The following CUL4A variants were observed in gnomAD, a reference collection of about 807,000 sequenced individuals.
The protein encoded by CUL4A is cullin 4A.
CUL4A carries 16 observed loss-of-function variants against 95.5 expected under a neutral mutation model. The ratio of observed to expected loss-of-function variants is 0.17; its 90% CI spans 0.11 to 0.25. CUL4A has a LOEUF of 0.25. CUL4A is among the 10% of genes least tolerant of loss of function. The probability of loss-of-function intolerance (pLI) is 1.00; values close to 1 mark genes in which losing one functional copy is unlikely to be tolerated. For synonymous variants in CUL4A, 380 were observed against 353.1 expected (o/e 1.08, Z -0.85); for missense variants, 610 against 937.0 (o/e 0.65, Z 4.56).
chr13:113,229,987 T>C (rs9994), intron 5 of CUL4A: 70,026 of 305,082 alleles, frequency 0.23, 8,502 homozygotes, highest in South Asian at 0.43. Context: ...ACACCAGGGG[T>C]TCTGGGGCCT....
At position 113,209,792 on chromosome 13, in the gene CUL4A, G is replaced by A; in HGVS notation, c.148+17G>A. On this transcript the variant is annotated intron_variant, in intron 1 of 19. Transcript: ENST00000375440. ...ACTTCCGAGGTGGGTGCGGCGGCCG[G>A]GTCGAGGGCCAGGCGCCCCGGGCGG... 8.5e-7 allele frequency: 1 copy of A among 1,178,126 alleles called. No individual in the cohort carries two copies. Among genetic ancestry groups the A allele is most frequent in the African/African-American group, 1.6e-5 (1 of 62,690 alleles). 73.0% of individuals were successfully genotyped at this position (1,178,126 alleles called of 1,614,324 possible).
At chr13:113,208,558 G>A (rs754943305), upstream of CUL4A, 126 of 1,600,730 alleles carry the variant, frequency 7.9e-5, no homozygotes, top group Non-Finnish European at 1.0e-5. Context: ...AACACGCCGA[G>A]GGCCAACCAC....
chr13:113,255,154 TA>T lies in CUL4A; in HGVS notation c.2031+30del, dbSNP rs769215596. ...TGTATAAACTTTCTCTTTTTACTTA[TA>T]GGGGGTTTAGCAGGGAATCATTTGT... On this transcript the variant is annotated intron_variant, in intron 18 of 19. Transcript: ENST00000375440. 59 of 1,537,606 alleles carry T rather than the reference TA, an allele frequency of 3.8e-5. No homozygotes were observed. In the African/African-American group the frequency reaches 5.6e-4, roughly 15 times the overall value.
chr13:113,258,529 C>T (rs1333058046), intron 18 of CUL4A, among the ~76,000 whole-genome samples: 1 of 152,118 alleles, frequency 6.6e-6, no homozygotes, highest in Non-Finnish European at 1.5e-5. Flanking sequence ...TTCTGTAAGT[C>T]TTGCATATTT....
At chr13:113,253,971 A>G (rs1027848937) in intron 16 of CUL4A, among the ~76,000 whole-genome samples, 2 of 152,322 alleles carry the variant, frequency 1.3e-5, no homozygotes, top group Admixed American at 6.5e-5. Flanking sequence ...TATACATGAA[A>G]CCATATATTC....
At chr13:113,214,106 C>T (rs902806692) in intron 2 of CUL4A, among the ~76,000 whole-genome samples, 1 of 152,282 alleles carries the variant, frequency 6.6e-6, no homozygotes, top group Non-Finnish European at 1.5e-5. Context: ...AATTCTCACC[C>T]AAGTTTGAAA....
At chr13:113,222,468 C>T (rs1380594816) in intron 3 of CUL4A, among the ~76,000 whole-genome samples, 1 of 151,958 alleles carries the variant, frequency 6.6e-6, no homozygotes, top group African/African-American at 2.4e-5. Flanking sequence ...CTGTCGTGGT[C>T]ACGTTGATTT....
At chr13:113,215,089 G>A (rs2040599068) in intron 2 of CUL4A, among the ~76,000 whole-genome samples, 2 of 147,438 alleles carry the variant, frequency 1.4e-5, no homozygotes, top group South Asian at 2.2e-4. Context: ...TGGAGGTCGC[G>A]TCCCGTGTGG....
intron 11 of CUL4A, among the ~76,000 whole-genome samples, chr13:113,243,755 A>G (rs530970609): frequency 6.6e-6 from 1 of 152,138 alleles, no homozygotes; most frequent in South Asian, 2.1e-4. Flanking sequence ...TGTTTAAAAG[A>G]AAAAAACTAA....
At position 113,258,009 on chromosome 13, in the gene CUL4A, T is replaced by TTTTTG. The variant is rs1555306800; in HGVS notation, c.2032-2578_2032-2574dup. On this transcript the variant is annotated intron_variant, in intron 18 of 19. Coordinates refer to ENST00000375440, the MANE Select transcript of CUL4A (RefSeq NM_001008895.4). The stretch of plus-strand genomic sequence containing the variant: ...GTGTCTATTTCATAGCCAGCCATTT[T>TTTTTG]TTTTGTTTTGTTTTGTTTTGTTTTT... Among the ~76,000 whole-genome samples the TTTTTG allele has an allele frequency of 3.9e-4, 60 of 152,036 alleles. 1 individual carries two copies. The highest frequency in any genetic ancestry group is 7.7e-4 in the Non-Finnish European group (52 of 67,886).
At chr13:113,234,363 C>T (rs375455221) in intron 7 of CUL4A, among the ~76,000 whole-genome samples, 10 of 151,974 alleles carry the variant, frequency 6.6e-5, no homozygotes, top group East Asian at 3.9e-4. Flanking sequence ...AAAAGCTGTG[C>T]GAAAAAACAT....
rs567501742 is a variant in CUL4A, at chr13:113,228,669, C to T, written c.438+624C>T. On this transcript the variant is annotated intron_variant, in intron 4 of 19. Transcript: ENST00000375440. ...GGTAGTGGGCTCGATGGTAGGAGCACAGGACAGGACCAGGGATCATCCTGC... is the reference window on the plus strand; with the variant it reads ...GGTAGTGGGCTCGATGGTAGGAGCATAGGACAGGACCAGGGATCATCCTGC... 3.3e-5 allele frequency among the ~76,000 whole-genome samples: 5 copies of T among 152,130 alleles called. No individual in the cohort carries two copies. In the South Asian group the frequency reaches 6.3e-4, roughly 19 times the overall value.
intron 3 of CUL4A, among the ~76,000 whole-genome samples, chr13:113,220,354 C>A (rs2040851672): frequency 2.0e-5 from 3 of 152,244 alleles, no homozygotes; most frequent in African/African-American, 7.2e-5. Flanking sequence ...TCCAGCAAAG[C>A]CCTTTCCTAA....
chr13:113,257,924 T>G (rs1282950796), intron 18 of CUL4A, among the ~76,000 whole-genome samples: 2 of 152,228 alleles, frequency 1.3e-5, no homozygotes. Flanking sequence ...ATTTGAATTA[T>G]CACCTTATTA....
intron 8 of CUL4A, among the ~76,000 whole-genome samples, chr13:113,236,342 G>A (rs539488588): frequency 4.3e-4 from 65 of 152,280 alleles, no homozygotes; most frequent in African/African-American, 1.5e-3. Context: ...AGCAGCCAGG[G>A]AAGTCCGGGG....
chr13:113,215,543 G>T (rs1011427757), intron 2 of CUL4A, among the ~76,000 whole-genome samples: 1 of 151,124 alleles, frequency 6.6e-6, no homozygotes, highest in Non-Finnish European at 1.5e-5. Context: ...AGGTCTCTTT[G>T]TGACTATGGA....
intron 5 of CUL4A, chr13:113,230,184 A>G (rs906763202): frequency 1.3e-5 from 2 of 153,716 alleles, no homozygotes. Context: ...TTCTTCTCAC[A>G]TTCATACATA....
intron 3 of CUL4A, among the ~76,000 whole-genome samples, chr13:113,224,558 G>C (rs1041054481): frequency 6.6e-6 from 1 of 152,228 alleles, no homozygotes; most frequent in Non-Finnish European, 1.5e-5. Context: ...TTGGCTGTTG[G>C]GGAAGTTGCA....
intron 16 of CUL4A, 34 bp downstream of exon 16, chr13:113,253,229 T>A (rs755252660): frequency 8.6e-7 from 1 of 1,162,850 alleles, no homozygotes; most frequent in Non-Finnish European, 1.2e-6. Flanking sequence ...TTTTATTATT[T>A]GTAAATATGT....
Sources: gnomAD v4.1 joint callset for allele counts (sites outside exome capture counted in the v4.1 genomes callset) on GRCh38, gnomAD v4.1.1 for gene constraint, MANE v1.5 for transcripts, NCBI Gene and HGNC (gene_info 2026-07-23, HGNC 2026-07-21) for gene names.